TMC1: variants seen among roughly 807,000 people sequenced by gnomAD.
TMC1 encodes the protein transmembrane channel-like protein 1.
Under a neutral mutation model 105.8 loss-of-function variants are expected in TMC1, and 84 were observed. The ratio of observed to expected loss-of-function variants is 0.79; its 90% CI spans 0.67 to 0.95. The LOEUF (loss-of-function observed/expected upper bound fraction) is 0.95, where lower values mean the gene tolerates loss of function less well. TMC1 is among the 40% of genes least tolerant of loss of function. The pLI, the probability that TMC1 is intolerant of heterozygous loss-of-function variation, is 0.00. For synonymous variants in TMC1, 315 were observed against 311.5 expected (o/e 1.01, Z -0.12); for missense variants, 817 against 914.1 (o/e 0.89, Z 1.37).
intron 4 of TMC1, among the ~76,000 whole-genome samples, chr9:72,645,221 T>C (rs1825690939): frequency 6.6e-6 from 1 of 152,194 alleles, no homozygotes; most frequent in Admixed American, 6.5e-5. Flanking sequence ...CTGGCTCAGC[T>C]TACACAATTC....
chr9:72,592,223 G>A (rs1485485043), intron 2 of TMC1, among the ~76,000 whole-genome samples: 1 of 152,146 alleles, frequency 6.6e-6, no homozygotes, highest in East Asian at 1.9e-4. Flanking sequence ...CTACAGACCT[G>A]AGAAGATGGT....
At chr9:72,524,838 C>A (rs1823379262) in intron 1 of TMC1, among the ~76,000 whole-genome samples, 1 of 152,108 alleles carries the variant, frequency 6.6e-6, no homozygotes, top group South Asian at 2.1e-4. Context: ...GGCCACATAG[C>A]CATTTAGTGC....
Position 72,732,484 on chromosome 9 carries a change from G to C in TMC1, c.363-7635G>C, listed in dbSNP as rs1477411630. Among the ~76,000 whole-genome samples, 3 of 150,276 alleles carry C rather than the reference G, an allele frequency of 2.0e-5. No homozygotes were observed. In the East Asian group the frequency reaches 5.9e-4, roughly 29 times the overall value. ...GGAGGCTGAGACATGAGAATCTCTT[G>C]AACCCAGGAGGCAGAGGTTGATTTG... On this transcript the variant is annotated intron_variant, in intron 8 of 23. Transcript: ENST00000297784.
chr9:72,800,940 A>T (rs1469897903), intron 17 of TMC1, among the ~76,000 whole-genome samples: 3 of 152,104 alleles, frequency 2.0e-5, no homozygotes, highest in Admixed American at 1.3e-4. Flanking sequence ...ATGCATCTAA[A>T]ATTTCTATTC....
intron 1 of TMC1, among the ~76,000 whole-genome samples, chr9:72,529,416 C>T (rs1823460385): frequency 6.6e-6 from 1 of 152,096 alleles, no homozygotes; most frequent in South Asian, 2.1e-4. Context: ...AGTCACTGCA[C>T]ACTAGCTCGG....
chr9:72,673,508 T>C (rs1485322254), intron 5 of TMC1, among the ~76,000 whole-genome samples: 1 of 152,134 alleles, frequency 6.6e-6, no homozygotes, highest in Non-Finnish European at 1.5e-5. Context: ...TTTTTCATAC[T>C]GTATATGTAG....
chr9:72,706,759 T>G (rs971447205), intron 8 of TMC1, among the ~76,000 whole-genome samples: 1 of 151,888 alleles, frequency 6.6e-6, no homozygotes, highest in African/African-American at 2.4e-5. Flanking sequence ...TATTTCTTTC[T>G]TTTTCTTTTT....
intron 20 of TMC1, among the ~76,000 whole-genome samples, chr9:72,825,446 T>C (rs1412363101): frequency 6.6e-6 from 1 of 152,216 alleles, no homozygotes; most frequent in East Asian, 1.9e-4. Flanking sequence ...GTAATTAAGA[T>C]ATCTGGACTC....
intron 1 of TMC1, among the ~76,000 whole-genome samples, chr9:72,528,062 C>A (rs377412641): frequency 6.6e-6 from 1 of 152,132 alleles, no homozygotes; most frequent in African/African-American, 2.4e-5. Context: ...AAATCTTAAC[C>A]CCTAAGGTGG....
chr9:72,776,401 A>G (rs1173746379), intron 13 of TMC1, among the ~76,000 whole-genome samples: 1 of 152,190 alleles, frequency 6.6e-6, no homozygotes, highest in African/African-American at 2.4e-5. Flanking sequence ...AATAATAATT[A>G]ACATCTGTTG....
chr9:72,783,318 T>G (rs1190029241), intron 13 of TMC1, among the ~76,000 whole-genome samples: 1 of 152,180 alleles, frequency 6.6e-6, no homozygotes, highest in Non-Finnish European at 1.5e-5. Flanking sequence ...TAGCCTTCAA[T>G]CTGTGGCTGA....
intron 1 of TMC1, among the ~76,000 whole-genome samples, chr9:72,531,954 T>C (rs1316565632): frequency 4.6e-5 from 7 of 152,048 alleles, no homozygotes; most frequent in Admixed American, 4.6e-4. Context: ...TTATTCGAGA[T>C]GGAGTCTTGC....
intron 10 of TMC1, among the ~76,000 whole-genome samples, chr9:72,747,038 A>G (rs1827501453): frequency 1.3e-5 from 2 of 152,192 alleles, no homozygotes; most frequent in South Asian, 4.1e-4. Flanking sequence ...AATTGAATGT[A>G]TTTCTAGCTG....
intron 20 of TMC1, among the ~76,000 whole-genome samples, chr9:72,826,415 G>A (rs1298846530): frequency 1.3e-5 from 2 of 152,288 alleles, no homozygotes; most frequent in Middle Eastern, 6.8e-3. Flanking sequence ...TGAGGTGGAA[G>A]CTATTGCGTG....
At chr9:72,802,125 G>T (rs1397560091) in intron 17 of TMC1, among the ~76,000 whole-genome samples, 1 of 152,102 alleles carries the variant, frequency 6.6e-6, no homozygotes, top group East Asian at 1.9e-4. Context: ...GGGCATGGAG[G>T]CATGTGTCTG....
chr9:72,649,448 C>T (rs377277424), intron 5 of TMC1, among the ~76,000 whole-genome samples: 3 of 152,226 alleles, frequency 2.0e-5, no homozygotes, highest in African/African-American at 4.8e-5. Context: ...TTAGCTTACT[C>T]ATTTAATCTT....
intron 3 of TMC1, among the ~76,000 whole-genome samples, chr9:72,622,574 A>T (rs1487045942): frequency 6.6e-6 from 1 of 152,054 alleles, no homozygotes; most frequent in Non-Finnish European, 1.5e-5. Context: ...TGGAACATTA[A>T]ATTTTCCCTG....
chr9:72,728,376 T>C (rs1827157192), intron 8 of TMC1, among the ~76,000 whole-genome samples: 1 of 152,166 alleles, frequency 6.6e-6, no homozygotes, highest in African/African-American at 2.4e-5. Context: ...GGAATAGTCT[T>C]CAGTGATTAA....
intron 20 of TMC1, among the ~76,000 whole-genome samples, chr9:72,825,454 C>A (rs1018855692): frequency 3.9e-5 from 6 of 152,218 alleles, no homozygotes; most frequent in African/African-American, 1.4e-4. Context: ...GATATCTGGA[C>A]TCCTTTCTTT....
Sources: gnomAD v4.1 joint callset for allele counts (sites outside exome capture counted in the v4.1 genomes callset) on GRCh38, gnomAD v4.1.1 for gene constraint, MANE v1.5 for transcripts, NCBI Gene and HGNC (gene_info 2026-07-23, HGNC 2026-07-21) for gene names.